The following FREM2 variants were observed in gnomAD, a reference collection of about 807,000 sequenced individuals.
The protein encoded by FREM2 is FRAS1 related extracellular matrix 2.
FREM2 carries 119 observed loss-of-function variants against 219.9 expected under a neutral mutation model. The ratio of observed to expected loss-of-function variants is 0.54; its 90% confidence interval spans 0.47 to 0.63. FREM2 has a LOEUF of 0.63. FREM2 is among the 30% of genes least tolerant of loss of function. The probability of loss-of-function intolerance (pLI) is 0.00; values close to 1 mark genes in which losing one functional copy is unlikely to be tolerated. For missense variants in FREM2, 4,030 were observed against 3,993.6 expected (o/e 1.01, Z -0.25); for synonymous variants, 1,562 against 1,522.8 (o/e 1.03, Z -0.60).
At chr13:38,747,513 C>T (rs1227144497) in intron 2 of FREM2, among the ~76,000 whole-genome samples, 3 of 151,866 alleles carry the variant, frequency 2.0e-5, no homozygotes, top group African/African-American at 4.8e-5. Flanking sequence ...CACACACACA[C>T]ACACACACAT....
intron 6 of FREM2, among the ~76,000 whole-genome samples, chr13:38,821,162 A>T (rs1418456783): frequency 1.3e-5 from 2 of 152,084 alleles, no homozygotes; most frequent in Non-Finnish European, 2.9e-5. Flanking sequence ...TTCAGAGGGA[A>T]CAGATAGGTG....
In FREM2 at chr13:38,850,842, T is replaced by TA. The variant is rs1365670211; in HGVS notation, c.6578-101dup. ...TGCCAAACACTATTTATTGCACTGA[T>TA]ACAGCAGGGAAAATCAACAAACTTG... On this transcript the variant is annotated intron_variant, in intron 9 of 23. Coordinates refer to ENST00000280481, the MANE Select transcript of FREM2 (RefSeq NM_207361.6). 3.1e-6 allele frequency: 4 copies of TA among 1,295,480 alleles called. No homozygotes were observed. The African/African-American group carries it at 5.8e-5, about 19-fold the overall frequency. 80.2% of individuals were successfully genotyped at this position (1,295,480 alleles called of 1,614,324 possible).
At chr13:38,770,484 G>A (rs1281059339) in intron 4 of FREM2, among the ~76,000 whole-genome samples, 1 of 151,874 alleles carries the variant, frequency 6.6e-6, no homozygotes, top group Non-Finnish European at 1.5e-5. Context: ...ATCACTTTTT[G>A]GAGTCCTTTA....
chr13:38,752,929 A>C (rs1457671861), intron 2 of FREM2, among the ~76,000 whole-genome samples: 1 of 152,154 alleles, frequency 6.6e-6, no homozygotes, highest in Non-Finnish European at 1.5e-5. Context: ...TGGCGCCACA[A>C]AAGGAATTAG....
At chr13:38,761,479 AAC>A (rs1405209182) in intron 2 of FREM2, among the ~76,000 whole-genome samples, 3 of 152,360 alleles carry the variant, frequency 2.0e-5, no homozygotes, top group South Asian at 2.1e-4. Context: ...ATGGAACGTA[AAC>A]ACAATAATTT....
rs531111309 is a variant in FREM2 at position 38,717,410 on chromosome 13, T to C, written c.5263+19623T>C. Among the ~76,000 whole-genome samples, 3 of 122,950 alleles carry C rather than the reference T, an allele frequency of 2.4e-5. 1 individual carries two copies. The East Asian group carries it at 6.8e-4, about 28-fold the overall frequency. The allele number at this position is 122,950 out of a possible 152,430, so 80.7% of individuals were successfully genotyped here. On this transcript the variant is annotated intron_variant, in intron 2 of 23. Coordinates refer to ENST00000280481, the MANE Select transcript of FREM2 (RefSeq NM_207361.6). Reference sequence around the variant, plus strand: ...CAGTCCGATTAGAATTTTACATAAGTACTTTTTTTTTTTTTTTTTTTTTTG... The same window carrying C: ...CAGTCCGATTAGAATTTTACATAAGCACTTTTTTTTTTTTTTTTTTTTTTG...
At chr13:38,812,435 G>A (rs1170996630) in intron 6 of FREM2, among the ~76,000 whole-genome samples, 1 of 152,012 alleles carries the variant, frequency 6.6e-6, no homozygotes, top group Non-Finnish European at 1.5e-5. Flanking sequence ...TTAATGTCTT[G>A]CTTTTTATTT....
chr13:38,774,656 C>T (rs930387135), intron 4 of FREM2, among the ~76,000 whole-genome samples: 8 of 152,176 alleles, frequency 5.3e-5, no homozygotes, highest in African/African-American at 1.4e-4. Context: ...TAATGTTAAA[C>T]ATTTCCATTT....
At chr13:38,797,921 G>C (rs1194462535) in intron 6 of FREM2, among the ~76,000 whole-genome samples, 1 of 151,942 alleles carries the variant, frequency 6.6e-6, no homozygotes, top group East Asian at 1.9e-4. Context: ...TCAGAATATA[G>C]GGACAATTTG....
At position 38,688,193 on chromosome 13, in the gene FREM2, G is replaced by A; in HGVS notation, c.849G>A (p.Val283=). 2.5e-6 allele frequency: 4 copies of A among 1,613,352 alleles called. No individual in the cohort carries two copies. Among genetic ancestry groups the A allele is most frequent in the Non-Finnish European group, 3.4e-6 (4 of 1,179,662 alleles). The change falls in exon 1 of 24, where the codon GTG becomes GTA. Residue 283 remains valine (V), a synonymous_variant. Coordinates refer to ENST00000280481, the MANE Select transcript of FREM2 (RefSeq NM_207361.6). ...CAAACAGGGACTGGATACCCATGGT[G>A]GTGGAGCTGCGTTCACGAGGGGCTC... The part of the protein sequence containing the change: ...RSPNRDWIPM[V]VELRSRGAPV...
rs988905329 is a variant in FREM2 at position 38,877,033 on chromosome 13, G to A, written c.8545-84G>A. On this transcript the variant is annotated intron_variant, in intron 20 of 23. Transcript: ENST00000280481. ...CAGTGTTTAGTGTTCTACAGTGTAC[G>A]GTGAATGTATGTATCTGTGAACAGT... is the stretch of plus-strand genomic sequence containing the variant. 40 of 1,429,858 alleles carry A rather than the reference G, an allele frequency of 2.8e-5. No homozygotes were observed. In the African/African-American group the frequency reaches 4.5e-4, roughly 16 times the overall value. The allele number at this position is 1,429,858 out of a possible 1,614,324, so 88.6% of individuals were successfully genotyped here.
rs774249973 is a variant in FREM2, at chr13:38,690,453, T to A, written c.3109T>A (p.Ser1037Thr). The change falls in exon 1 of 24, where the codon TCA becomes ACA. Residue 1037 changes from serine to threonine, a missense_variant. Coordinates refer to ENST00000280481, the MANE Select transcript of FREM2 (RefSeq NM_207361.6). Reference sequence around the variant, plus strand: ...AGCGGATTCTTTTAACCTGAGTCTGTCAGATATGTCTCAAGAATGGAGAAT... The same window carrying A: ...AGCGGATTCTTTTAACCTGAGTCTGACAGATATGTCTCAAGAATGGAGAAT... The part of the protein sequence containing the change: ...PKADSFNLSL[S>T]DMSQEWRIGG... The A allele has an allele frequency of 1.3e-5, 21 of 1,614,086 alleles. No homozygotes were observed. The highest frequency in any genetic ancestry group is 1.6e-5 in the Non-Finnish European group (19 of 1,180,036).
rs146585542 is a variant in FREM2 at position 38,691,913 on chromosome 13, T to C, written c.4569T>C (p.Arg1523=). 46 of 1,614,074 alleles carry C rather than the reference T, an allele frequency of 2.8e-5. No individual in the cohort carries two copies. The highest frequency in any genetic ancestry group is 1.6e-4 in the Middle Eastern group (1 of 6,084). ...DGRNPVFRTF[R]ISISDVDNKK... The stretch of plus-strand genomic sequence containing the variant: ...GTAACCCTGTCTTTCGGACATTCCG[T>C]ATCTCCATTAGCGATGTGGACAATA... The change falls in exon 1 of 24, where the codon CGT becomes CGC. Residue 1523 remains arginine, a synonymous_variant. Transcript: ENST00000280481.
At chr13:38,854,937 T>C (rs1030035057) in intron 11 of FREM2, among the ~76,000 whole-genome samples, 3 of 152,178 alleles carry the variant, frequency 2.0e-5, no homozygotes, top group Non-Finnish European at 4.4e-5. Context: ...ATCTGTTGAC[T>C]CTTCTAATTG....
At chr13:38,779,253 G>A (rs1444695816) in intron 4 of FREM2, among the ~76,000 whole-genome samples, 7 of 151,928 alleles carry the variant, frequency 4.6e-5, no homozygotes, top group Admixed American at 4.6e-4. Flanking sequence ...GGGAGGGAGA[G>A]CATTAGGACA....
At chr13:38,716,515 C>CT (rs1037204487) in intron 2 of FREM2, among the ~76,000 whole-genome samples, 11 of 151,160 alleles carry the variant, frequency 7.3e-5, no homozygotes, top group Non-Finnish European at 7.4e-5. Context: ...CTGTTCTTTC[C>CT]TTTTTTTTTC....
At chr13:38,864,086 C>T (rs111418827) in intron 15 of FREM2, among the ~76,000 whole-genome samples, 189 bp from the exon 16 acceptor site, 2,475 of 91,664 alleles carry the variant, frequency 0.027, 39 homozygotes, top group Non-Finnish European at 0.032. Context: ...ACCTAGACCT[C>T]CCAAAGTGCC....
chr13:38,774,139 C>T (rs566885266), intron 4 of FREM2, among the ~76,000 whole-genome samples: 9 of 152,104 alleles, frequency 5.9e-5, no homozygotes, highest in East Asian at 1.9e-4. Flanking sequence ...ATCACTGTGA[C>T]GTTGTTTTAC....
intron 18 of FREM2, among the ~76,000 whole-genome samples, chr13:38,875,367 A>G (rs1053937985): frequency 2.6e-5 from 4 of 152,154 alleles, no homozygotes; most frequent in Admixed American, 1.3e-4. Context: ...AATAGGGCTG[A>G]ATAATTAGGA....
Sources: allele counts gnomAD v4.1 joint callset (sites outside exome capture counted in the v4.1 genomes callset), GRCh38; gene constraint gnomAD v4.1.1; transcripts MANE v1.5; gene names NCBI Gene and HGNC (gene_info 2026-07-23, HGNC 2026-07-21).